The following PAX2 variants were observed in gnomAD, a reference collection of about 807,000 sequenced individuals.
PAX2 encodes the protein paired box protein Pax-2.
In PAX2, 9 loss-of-function variants were observed where a neutral mutation model predicts 41.7. That is an observed-to-expected ratio of 0.22 (90% CI 0.13 to 0.38). PAX2 has a LOEUF of 0.38. Among genes scored for constraint, PAX2 ranks in the 10% least tolerant of loss-of-function variants. The pLI is 1.00. For synonymous variants in PAX2, 221 were observed against 212.7 expected (o/e 1.04, Z -0.34); for missense variants, 418 against 531.6 (o/e 0.79, Z 2.10).
At chr10:100,766,755 AG>A (rs1846044571) in intron 3 of PAX2, among the ~76,000 whole-genome samples, 1 of 152,214 alleles carries the variant, frequency 6.6e-6, no homozygotes, top group African/African-American at 2.4e-5. Context: ...AAAAAGCTAA[AG>A]GATGGATCCT....
intron 3 of PAX2, among the ~76,000 whole-genome samples, chr10:100,764,489 G>A (rs1014641386): frequency 6.6e-6 from 1 of 152,282 alleles, no homozygotes. Context: ...AGGATATTCT[G>A]TGAACAGAAT....
chr10:100,738,974 C>T (rs1844857734), intron 1 of PAX2, among the ~76,000 whole-genome samples: 1 of 151,818 alleles, frequency 6.6e-6, no homozygotes, highest in Admixed American at 6.6e-5. Context: ...CCTCCTTCCC[C>T]CTTTCCCCGA....
At position 100,826,499 on chromosome 10, in the gene PAX2, G is replaced by A. The variant is rs888035996; in HGVS notation, c.1022-510G>A. On this transcript the variant is annotated intron_variant, in intron 8 of 9. Coordinates refer to ENST00000355243, the MANE Select transcript of PAX2 (RefSeq NM_000278.5). This position sits in a 1 kb window ranked among gnomAD's most constrained non-coding sequence, Gnocchi z 5.5. ...CTCTTGAGGGAAAGGCGGGAGGGCG[G>A]TGTCTCCCAAAAGAGCTCCCACCTC... Among the ~76,000 whole-genome samples the A allele has an allele frequency of 1.3e-5, 2 of 152,188 alleles. No homozygotes were observed. The highest frequency in any genetic ancestry group is 4.8e-5 in the African/African-American group (2 of 41,450).
At chr10:100,785,254 G>A (rs971708652) in intron 5 of PAX2, among the ~76,000 whole-genome samples, 4 of 152,144 alleles carry the variant, frequency 2.6e-5, no homozygotes, top group African/African-American at 7.2e-5. Flanking sequence ...AGTTGCTTTC[G>A]GCTGGGGCCC....
At chr10:100,816,857 G>A (rs553573849) in intron 7 of PAX2, among the ~76,000 whole-genome samples, 24 of 152,264 alleles carry the variant, frequency 1.6e-4, no homozygotes, top group Admixed American at 1.4e-3. Flanking sequence ...AATCCTGCAG[G>A]GCTCGGAGAA....
At chr10:100,775,214 G>T (rs778253336) in intron 3 of PAX2, among the ~76,000 whole-genome samples, 84 of 152,184 alleles carry the variant, frequency 5.5e-4, no homozygotes, top group Middle Eastern at 3.2e-3. Context: ...GTCTTGTGAG[G>T]CCAAGTATGA....
intron 3 of PAX2, among the ~76,000 whole-genome samples, chr10:100,778,484 C>A (rs571489835): frequency 2.6e-4 from 39 of 152,270 alleles, no homozygotes; most frequent in African/African-American, 9.1e-4. Context: ...TCAGGAAAAG[C>A]TTTTAGAGCT....
Position 100,735,843 on chromosome 10 carries a change from C to T in PAX2, c.25+110C>T, listed in dbSNP as rs574541909. 36 of 734,114 alleles carry T rather than the reference C, an allele frequency of 4.9e-5. No individual in the cohort carries two copies. The African/African-American group carries it at 6.2e-4, about 13-fold the overall frequency. 45.5% of individuals were successfully genotyped at this position (734,114 alleles called of 1,614,324 possible). A position where few individuals can be genotyped will look rare whatever the true frequency, so the allele number is the denominator to read the frequency against. On this transcript the variant is annotated intron_variant, in intron 1 of 9. Transcript: ENST00000679374. ...TCCTCTTTCATCCCTGTGCTCAGTA[C>T]CCGGCGGGCGACGTGAAGGCTGGGG...
Position 100,827,592 on chromosome 10 carries a change from T to C in PAX2, c.1158T>C (p.Ala386=). The change falls in exon 10 of 10, where the codon GCT becomes GCC. Residue 386 remains alanine, a synonymous_variant. Coordinates refer to ENST00000355243, the MANE Select transcript of PAX2 (RefSeq NM_000278.5). This position sits in a 1 kb window ranked among gnomAD's most constrained non-coding sequence, Gnocchi z 8.5. ...SAAPRGSAPA[A]AAAAYDRH ...CCCCCCGGGGCTCCGCCCCTGCCGC[T>C]GCTGCCGCTGCCTATGACCGCCACT... 8.1e-6 allele frequency: 13 copies of C among 1,613,390 alleles called. No individual in the cohort carries two copies. The highest frequency in any genetic ancestry group is 1.1e-5 in the Non-Finnish European group (13 of 1,179,610).
At chr10:100,785,624 G>C (rs1846816485) in intron 5 of PAX2, among the ~76,000 whole-genome samples, 1 of 152,172 alleles carries the variant, frequency 6.6e-6, no homozygotes, top group Admixed American at 6.5e-5. Flanking sequence ...TACCATCCTA[G>C]AGGTCCCCAA....
chr10:100,803,946 A>C (rs917048682), intron 5 of PAX2, among the ~76,000 whole-genome samples: 16 of 152,130 alleles, frequency 1.1e-4, no homozygotes, highest in African/African-American at 2.9e-4. Flanking sequence ...TAACCCCTAA[A>C]ACAGTACTAT....
At chr10:100,808,578 A>C (rs1847879425) in intron 6 of PAX2, among the ~76,000 whole-genome samples, 2 of 149,390 alleles carry the variant, frequency 1.3e-5, no homozygotes, top group East Asian at 2.0e-4. Context: ...AGCCATGTGG[A>C]CTCTCCCCCT....
At chr10:100,784,803 G>A (rs1428641559) in intron 5 of PAX2, among the ~76,000 whole-genome samples, 1 of 152,140 alleles carries the variant, frequency 6.6e-6, no homozygotes, top group Non-Finnish European at 1.5e-5. Context: ...GTGACTCTGG[G>A]GAAAAACTGG....
intron 7 of PAX2, among the ~76,000 whole-genome samples, chr10:100,812,594 A>G (rs1848032315): frequency 6.6e-6 from 1 of 152,170 alleles, no homozygotes; most frequent in African/African-American, 2.4e-5. Flanking sequence ...ACTCGCTCCA[A>G]CTGCATGCAG....
rs1342737362 is a variant in PAX2, at chr10:100,791,073, TC to T, written c.616+9711del. ...GCACGGAGGCCTGGCCTTCCCTCCC[TC>T]CCATTCTTGGAGCCCTGTGGCCCAT... On this transcript the variant is annotated intron_variant, in intron 5 of 9. Transcript: ENST00000355243. The surrounding 1 kb of genome is among the most constrained non-coding windows in gnomAD (Gnocchi z 4.5). Among the ~76,000 whole-genome samples the T allele has an allele frequency of 6.6e-6, 1 of 152,148 alleles. No individual in the cohort carries two copies. The highest frequency in any genetic ancestry group is 1.9e-4 in the East Asian group (1 of 5,194).
chr10:100,756,668 G>A (rs1287674557), intron 3 of PAX2, among the ~76,000 whole-genome samples: 2 of 152,208 alleles, frequency 1.3e-5, no homozygotes, highest in Admixed American at 6.5e-5. Flanking sequence ...AACTTATCGA[G>A]CCATTACCCT....
At chr10:100,771,320 A>T (rs990993933) in intron 3 of PAX2, among the ~76,000 whole-genome samples, 6 of 152,216 alleles carry the variant, frequency 3.9e-5, no homozygotes, top group African/African-American at 1.4e-4. Flanking sequence ...CCATGTTCAG[A>T]ACCCTGCCTG....
chr10:100,760,565 T>A (rs1845804586), intron 3 of PAX2, among the ~76,000 whole-genome samples: 1 of 152,158 alleles, frequency 6.6e-6, no homozygotes, highest in African/African-American at 2.4e-5. Flanking sequence ...GTGGAGGGTG[T>A]GTGTAGTATC....
At chr10:100,820,344 A>T (rs1276123853) in intron 7 of PAX2, among the ~76,000 whole-genome samples, 1 of 152,212 alleles carries the variant, frequency 6.6e-6, no homozygotes. Flanking sequence ...GAAAACTGTG[A>T]TGCATCTTTG....
Sources: gnomAD v4.1 joint callset for allele counts (sites outside exome capture counted in the v4.1 genomes callset) on GRCh38, gnomAD v4.1.1 for gene constraint, Gnocchi (gnomAD v3.1) non-coding constraint, MANE v1.5 for transcripts, NCBI Gene and HGNC (gene_info 2026-07-23, HGNC 2026-07-21) for gene names.